The following SUPT3H variants were observed in gnomAD, a reference collection of about 807,000 sequenced individuals.
The protein encoded by SUPT3H is transcription initiation protein SPT3 homolog.
SUPT3H carries 44 observed loss-of-function variants against 44.3 expected under a neutral mutation model. That is an observed-to-expected ratio of 0.99 (90% CI 0.78 to 1.28). The LOEUF (loss-of-function observed/expected upper bound fraction) is 1.28, where lower values mean the gene tolerates loss of function less well. SUPT3H is among the 50% of genes most tolerant of loss of function. The pLI, the probability that SUPT3H is intolerant of heterozygous loss-of-function variation, is 0.00. For synonymous variants in SUPT3H, 124 were observed against 125.6 expected (o/e 0.99, Z 0.09); for missense variants, 380 against 387.1 (o/e 0.98, Z 0.15).
At chr6:44,872,303 G>C (rs1489642502) in intron 10 of SUPT3H, among the ~76,000 whole-genome samples, 10 of 76,064 alleles carry the variant, frequency 1.3e-4, no homozygotes, top group Non-Finnish European at 1.1e-4. Flanking sequence ...GGATCTCTCG[G>C]CAGAAACCCT....
intron 2 of SUPT3H, among the ~76,000 whole-genome samples, chr6:45,209,437 C>A (rs890203042): frequency 6.6e-6 from 1 of 152,088 alleles, no homozygotes; most frequent in Non-Finnish European, 1.5e-5. Context: ...CTGATTTCAG[C>A]GCTCATGGAT....
chr6:44,981,143 T>C (rs1779040646), intron 6 of SUPT3H, among the ~76,000 whole-genome samples: 1 of 152,212 alleles, frequency 6.6e-6, no homozygotes, highest in African/African-American at 2.4e-5. Context: ...ATAGCTGCTA[T>C]CCATCTCAAA....
chr6:45,188,979 T>A (rs1254346199), intron 2 of SUPT3H, among the ~76,000 whole-genome samples: 2 of 152,138 alleles, frequency 1.3e-5, no homozygotes, highest in African/African-American at 4.8e-5. Flanking sequence ...TTTTGTTTTG[T>A]TTTTTTGCTA....
At chr6:44,991,282 C>T (rs1780583001) in intron 6 of SUPT3H, among the ~76,000 whole-genome samples, 1 of 152,112 alleles carries the variant, frequency 6.6e-6, no homozygotes, top group South Asian at 2.1e-4. Flanking sequence ...CAAAACACTG[C>T]CCTTTGTAAC....
chr6:45,089,921 A>T (rs2153562389), intron 3 of SUPT3H, among the ~76,000 whole-genome samples: 1 of 152,146 alleles, frequency 6.6e-6, no homozygotes, highest in East Asian at 1.9e-4. Flanking sequence ...TTACATACAA[A>T]TTACTCAGTT....
intron 2 of SUPT3H, among the ~76,000 whole-genome samples, chr6:45,179,107 G>A (rs1424960266): frequency 3.9e-5 from 6 of 152,110 alleles, no homozygotes; most frequent in African/African-American, 9.6e-5. Flanking sequence ...ACACCTCTAC[G>A]CAAATAAACT....
chr6:44,838,437 G>C (rs889630511), intron 10 of SUPT3H, among the ~76,000 whole-genome samples: 5 of 148,710 alleles, frequency 3.4e-5, no homozygotes, highest in African/African-American at 1.3e-4. Context: ...GGCAGTAGAG[G>C]GAGATGGTGG....
chr6:45,234,296 C>T (rs886573261), intron 2 of SUPT3H, among the ~76,000 whole-genome samples: 4 of 151,694 alleles, frequency 2.6e-5, no homozygotes, highest in East Asian at 1.9e-4. Context: ...TTTGGGAGGC[C>T]GAGGTGGGCA....
intron 2 of SUPT3H, among the ~76,000 whole-genome samples, chr6:45,271,286 C>T (rs1473922351): frequency 6.6e-5 from 10 of 152,164 alleles, no homozygotes; most frequent in African/African-American, 2.4e-4. Flanking sequence ...GAGGCCTTCA[C>T]GGAATCCCCT....
At chr6:44,856,238 CAT>C (rs569485064) in intron 10 of SUPT3H, among the ~76,000 whole-genome samples, 2 of 152,150 alleles carry the variant, frequency 1.3e-5, no homozygotes, top group South Asian at 4.1e-4. Context: ...TCAACAAAAT[CAT>C]AATGTTCTGC....
intron 10 of SUPT3H, among the ~76,000 whole-genome samples, chr6:44,906,147 C>T (rs1766026898): frequency 6.6e-6 from 1 of 152,110 alleles, no homozygotes; most frequent in South Asian, 2.1e-4. Context: ...ACATTGTGCA[C>T]ATGTACCCTA....
chr6:44,911,106 G>T (rs1211206603), intron 10 of SUPT3H, among the ~76,000 whole-genome samples: 1 of 147,858 alleles, frequency 6.8e-6, no homozygotes, highest in Non-Finnish European at 1.5e-5. Flanking sequence ...TAACACTATT[G>T]GTAAGCTTTT....
chr6:45,003,926 C>A (rs1782355446), intron 5 of SUPT3H, 134 bp from the exon 6 acceptor site: 2 of 1,008,460 alleles, frequency 2.0e-6, no homozygotes, highest in African/African-American at 1.7e-5. Context: ...TTAAAAAATT[C>A]TTGCATTCAA....
chr6:44,882,945 A>C (rs1778496451), intron 10 of SUPT3H, among the ~76,000 whole-genome samples: 1 of 152,250 alleles, frequency 6.6e-6, no homozygotes, highest in South Asian at 2.1e-4. Context: ...AATAGGCAAA[A>C]GCTGGAAGCA....
At chr6:45,228,891 T>C (rs1767430917) in intron 2 of SUPT3H, among the ~76,000 whole-genome samples, 2 of 152,132 alleles carry the variant, frequency 1.3e-5, no homozygotes, top group Non-Finnish European at 2.9e-5. Context: ...CCACCCGTCT[T>C]GGCCTCTGAA....
intron 2 of SUPT3H, among the ~76,000 whole-genome samples, chr6:45,330,932 A>G (rs1181117612): frequency 6.6e-6 from 1 of 151,988 alleles, no homozygotes; most frequent in Non-Finnish European, 1.5e-5. Flanking sequence ...TGCAAAGCCT[A>G]AAACCTCACT....
At chr6:44,886,710 T>G (rs1016437097) in intron 10 of SUPT3H, among the ~76,000 whole-genome samples, 6 of 152,110 alleles carry the variant, frequency 3.9e-5, no homozygotes, top group African/African-American at 1.4e-4. Context: ...CTGCATCAAC[T>G]AACGAGCAAA....
At chr6:44,944,539 G>A (rs970372296) in intron 9 of SUPT3H, among the ~76,000 whole-genome samples, 2 of 151,518 alleles carry the variant, frequency 1.3e-5, no homozygotes, top group Non-Finnish European at 2.9e-5. Flanking sequence ...TGGGTGGACC[G>A]CTTGAGCCCA....
intron 10 of SUPT3H, among the ~76,000 whole-genome samples, chr6:44,883,619 A>T (rs491590): frequency 0.051 from 7,781 of 152,094 alleles, 260 homozygotes; most frequent in South Asian, 0.13. Context: ...AATTGTAACT[A>T]TACTACAAGG....
Sources: gnomAD v4.1 joint callset for allele counts (sites outside exome capture counted in the v4.1 genomes callset) on GRCh38, gnomAD v4.1.1 for gene constraint, MANE v1.5 for transcripts, NCBI Gene and HGNC (gene_info 2026-07-23, HGNC 2026-07-21) for gene names.